EPB41L3: variants seen among roughly 807,000 people sequenced by gnomAD.
EPB41L3 encodes erythrocyte membrane protein band 4.1 like 3, also known as band 4.1-like protein 3.
In EPB41L3, 57 loss-of-function variants were observed where a neutral mutation model predicts 127.1. The ratio of observed to expected loss-of-function variants is 0.45; its 90% CI spans 0.36 to 0.56. The LOEUF is 0.56. Among genes scored for constraint, EPB41L3 ranks in the 20% least tolerant of loss-of-function variants. EPB41L3 has a pLI of 0.00. For synonymous variants in EPB41L3, 572 were observed against 549.5 expected, an observed-to-expected ratio of 1.04 and a Z score of -0.57; for missense variants, 1,273 against 1,372.2, an observed-to-expected ratio of 0.93 and a Z score of 1.14.
intron 3 of EPB41L3, among the ~76,000 whole-genome samples, chr18:5,582,375 G>T (rs1044352116): frequency 5.3e-5 from 8 of 152,112 alleles, no homozygotes; most frequent in Non-Finnish European, 1.0e-4. Context: ...AAGATGGGGT[G>T]GGGGGAGGAC....
At position 5,445,025 on chromosome 18, in the gene EPB41L3, T is replaced by C; in HGVS notation, c.486+115A>G. On this transcript the variant is annotated intron_variant, in intron 4 of 22. Coordinates refer to ENST00000341928, the MANE Select transcript of EPB41L3 (RefSeq NM_012307.5). ...GCATTTACAGACTCAAAGTAGAAAG[T>C]GTGGGAGAATGAAGGGAGGTGGAGA... is the stretch of plus-strand genomic sequence containing the variant. 4.2e-6 allele frequency: 3 copies of C among 713,092 alleles called. No homozygotes were observed. The South Asian group carries it at 5.3e-5, about 13-fold the overall frequency. 44.2% of individuals were successfully genotyped at this position (713,092 alleles called of 1,614,324 possible). A position where few individuals can be genotyped will look rare whatever the true frequency, so the allele number is the denominator to read the frequency against.
intron 6 of EPB41L3, among the ~76,000 whole-genome samples, chr18:5,436,154 T>C (rs965455127): frequency 3.3e-5 from 5 of 152,188 alleles, no homozygotes; most frequent in Non-Finnish European, 7.3e-5. Context: ...TGAGTTTTAA[T>C]AATCCCAAGC....
At chr18:5,412,983 C>T (rs1279641309) in intron 13 of EPB41L3, among the ~76,000 whole-genome samples, 1 of 151,944 alleles carries the variant, frequency 6.6e-6, no homozygotes, top group Non-Finnish European at 1.5e-5. Context: ...TCCTACTTAG[C>T]ATTTAGTCAG....
intron 2 of EPB41L3, among the ~76,000 whole-genome samples, chr18:5,483,906 A>T (rs117815798): frequency 2.6e-5 from 4 of 151,714 alleles, no homozygotes; most frequent in African/African-American, 2.4e-5. Context: ...AAGGGACAGA[A>T]CATCCAGACA....
chr18:5,412,322 C>A (rs776607687), intron 13 of EPB41L3, among the ~76,000 whole-genome samples: 1 of 151,978 alleles, frequency 6.6e-6, no homozygotes, highest in South Asian at 2.1e-4. Context: ...CTCAGCCTCC[C>A]TAGTGGGACT....
chr18:5,443,952 A>C lies in EPB41L3; in HGVS notation c.487-72T>G. 4 of 1,312,894 alleles carry C rather than the reference A, an allele frequency of 3.0e-6. No homozygotes were observed. In the South Asian group the frequency reaches 5.2e-5, roughly 17 times the overall value. The allele number at this position is 1,312,894 out of a possible 1,614,324, so 81.3% of individuals were successfully genotyped here. On this transcript the variant is annotated intron_variant, in intron 4 of 22. Coordinates refer to ENST00000341928, the MANE Select transcript of EPB41L3 (RefSeq NM_012307.5). ...ATGACTTAATGTTGATTAGGTACAG[A>C]CTCTCCCTAAATGCAGTGCGGAGTT...
At chr18:5,553,694 G>A (rs768670116) in intron 3 of EPB41L3, among the ~76,000 whole-genome samples, 3 of 152,166 alleles carry the variant, frequency 2.0e-5, no homozygotes, top group Non-Finnish European at 2.9e-5. Flanking sequence ...ACTTCTCACT[G>A]CACCTGCCTC....
At chr18:5,523,194 A>G (rs925064092) in intron 1 of EPB41L3, among the ~76,000 whole-genome samples, 2 of 152,220 alleles carry the variant, frequency 1.3e-5, no homozygotes, top group African/African-American at 4.8e-5. Context: ...ACAGATTGGT[A>G]GGACAGAATT....
chr18:5,523,767 A>C (rs1236157731), intron 1 of EPB41L3, among the ~76,000 whole-genome samples: 1 of 152,176 alleles, frequency 6.6e-6, no homozygotes, highest in Non-Finnish European at 1.5e-5. Context: ...CCTGGGCAAT[A>C]AGAGTAAAAC....
At chr18:5,506,240 C>T (rs2092188832) in intron 1 of EPB41L3, among the ~76,000 whole-genome samples, 1 of 152,100 alleles carries the variant, frequency 6.6e-6, no homozygotes, top group Non-Finnish European at 1.5e-5. Context: ...TAAATAAAAA[C>T]ATGTCACGTC....
chr18:5,431,665 C>T (rs1411370034), intron 8 of EPB41L3, among the ~76,000 whole-genome samples: 1 of 152,046 alleles, frequency 6.6e-6, no homozygotes, highest in African/African-American at 2.4e-5. Context: ...TTATTTATTT[C>T]TGGGCAGTAA....
intron 3 of EPB41L3, among the ~76,000 whole-genome samples, chr18:5,580,384 C>T (rs2094381867): frequency 6.6e-6 from 1 of 152,048 alleles, no homozygotes; most frequent in Non-Finnish European, 1.5e-5. Context: ...TAGACACATA[C>T]TCATGCCATG....
chr18:5,468,926 AC>A (rs2085524317), intron 3 of EPB41L3, among the ~76,000 whole-genome samples: 1 of 74,312 alleles, frequency 1.3e-5, no homozygotes, highest in Non-Finnish European at 3.4e-5. Flanking sequence ...AAAACAAAAA[AC>A]AAAAAACAAA....
intron 3 of EPB41L3, among the ~76,000 whole-genome samples, chr18:5,603,651 G>A (rs1019868017): frequency 6.6e-6 from 1 of 152,146 alleles, no homozygotes; most frequent in African/African-American, 2.4e-5. Context: ...GGGAGGCCAA[G>A]GCAGGAGGAT....
intron 1 of EPB41L3, among the ~76,000 whole-genome samples, chr18:5,615,761 G>A (rs907059568): frequency 6.6e-6 from 1 of 152,160 alleles, no homozygotes; most frequent in Non-Finnish European, 1.5e-5. Flanking sequence ...TTAGGTAACT[G>A]TGATCTATAT....
intron 2 of EPB41L3, 71 bp from the exon 3 acceptor site, chr18:5,478,509 G>A (rs2087711352): frequency 3.7e-6 from 5 of 1,364,990 alleles, no homozygotes; most frequent in African/African-American, 1.4e-5. Context: ...TCATGCAATA[G>A]CACAAAACTG....
chr18:5,468,742 C>T (rs1599365111), intron 3 of EPB41L3, among the ~76,000 whole-genome samples: 1 of 152,064 alleles, frequency 6.6e-6, no homozygotes, highest in Non-Finnish European at 1.5e-5. Context: ...GCAAAACCCC[C>T]TCTCTACTAA....
Position 5,397,201 on chromosome 18 carries a change from C to A in EPB41L3, c.2698G>T (p.Gly900Trp), listed in dbSNP as rs750763617. 6 of 1,614,162 alleles carry A rather than the reference C, an allele frequency of 3.7e-6. No homozygotes were observed. Among genetic ancestry groups the A allele is most frequent in the Non-Finnish European group, 5.1e-6 (6 of 1,180,028 alleles). ...TCCTCCCCTCCTTCCTCTTTAGCCC[C>A]CTCCGTCAAGGCAGAGCCCTCTTTC... ...KGKEGSALTE[G>W]AKEEGGEEVA... Residue 900 changes from glycine to tryptophan, a missense_variant, in exon 18 of 23, where the codon GGG becomes TGG. Physicochemically the swap from Gly to Trp is radical, Grantham distance 184. Around this residue, in one of 3 missense-constraint regions of EPB41L3, gnomAD observed 765 missense variants for 782.9 expected, o/e 0.98. Transcript: ENST00000341928. This position sits in a 1 kb window ranked among gnomAD's most constrained non-coding sequence, Gnocchi z 4.1.
rs767116095 is a variant in EPB41L3 at position 5,428,369 on chromosome 18, C to A, written c.1009G>T (p.Val337Phe). 1 of 1,614,206 alleles carries A rather than the reference C, an allele frequency of 6.2e-7. No homozygotes were observed. Residue 337 changes from valine to phenylalanine, a missense_variant, in exon 9 of 23, where the codon GTT becomes TTT. This residue lies in a region of EPB41L3 where 326 missense variants were observed against 440.2 expected (regional missense o/e 0.74). Transcript: ENST00000341928. ...LRINRFAWPK[V>F]LKISYKRNNF... ...TTCCGTTTGTATGAAATCTTTAGAA[C>A]CTTGGGCCAGGCAAATCTGTTTATT... is the stretch of plus-strand genomic sequence containing the variant.
Sources: gnomAD v4.1 joint callset for allele counts (sites outside exome capture counted in the v4.1 genomes callset) on GRCh38, gnomAD v4.1.1 for gene constraint, gnomAD v4.1.1 regional missense constraint, Gnocchi (gnomAD v3.1) non-coding constraint, MANE v1.5 for transcripts, NCBI Gene and HGNC (gene_info 2026-07-23, HGNC 2026-07-21) for gene names.